The following GTPBP1 variants were observed in gnomAD, a reference collection of about 807,000 sequenced individuals.
GTPBP1 encodes the protein GTP-binding protein 1.
Under a neutral mutation model 62.0 loss-of-function variants are expected in GTPBP1, and 23 were observed. That is an observed-to-expected ratio of 0.37 (90% CI 0.27 to 0.53). The LOEUF (loss-of-function observed/expected upper bound fraction) is 0.53, where lower values mean the gene tolerates loss of function less well. Among genes scored for constraint, GTPBP1 ranks in the 20% least tolerant of loss-of-function variants. The probability of loss-of-function intolerance (pLI) is 0.89; values close to 1 mark genes in which losing one functional copy is unlikely to be tolerated. For synonymous variants in GTPBP1, 344 were observed against 364.4 expected (o/e 0.94, Z 0.64); for missense variants, 640 against 917.3 (o/e 0.70, Z 3.90).
At chr22:38,735,112 T>C (rs181971700), downstream of GTPBP1, 52 of 354,656 alleles carry the variant, frequency 1.5e-4, no homozygotes, top group African/African-American at 9.3e-4. Context: ...TTGAAAAATA[T>C]ATACATAATA....
At chr22:38,740,123 C>A, downstream of GTPBP1, 1 of 1,253,354 alleles carries the variant, frequency 8.0e-7, no homozygotes, top group Middle Eastern at 2.8e-4. This position sits in a 1 kb window ranked among gnomAD's most constrained non-coding sequence, Gnocchi z 4.8. Flanking sequence ...TCAGTGAGAG[C>A]CCACATGTGT....
chr22:38,706,479 G>A (rs574313339), intron 1 of GTPBP1: 172 of 207,906 alleles, frequency 8.3e-4, no homozygotes, highest in African/African-American at 3.8e-3. Flanking sequence ...CCCTGTCCCC[G>A]CTCAGTGCCC....
chr22:38,731,910 T>G lies in GTPBP1; in HGVS notation c.*1206T>G, dbSNP rs1419766905. 1 of 152,326 alleles carries G rather than the reference T, an allele frequency of 6.6e-6. No homozygotes were observed. Among genetic ancestry groups the G allele is most frequent in the Non-Finnish European group, 1.5e-5 (1 of 68,154 alleles). The allele number at this position is 152,326 out of a possible 1,614,324, so 9.4% of individuals were successfully genotyped here. A position where few individuals can be genotyped will look rare whatever the true frequency, so the allele number is the denominator to read the frequency against. On this transcript the variant is annotated 3_prime_UTR_variant, in exon 12 of 12. Transcript: ENST00000216044. The stretch of plus-strand genomic sequence containing the variant: ...CAGGGTTAGGACAGAGCATTTAGCC[T>G]TCTGGAAGAACCCCTGCCTGGGGTG...
Position 38,726,203 on chromosome 22 carries a change from G to A in GTPBP1, c.1218+53G>A, listed in dbSNP as rs1047881636. ...TGGGCACTTCCTACAGTGGCATCAG[G>A]GGGTGGGTCTGTGCTGGGGATGCAC... On this transcript the variant is annotated intron_variant, in intron 7 of 11. Transcript: ENST00000216044. This position sits in a 1 kb window ranked among gnomAD's most constrained non-coding sequence, Gnocchi z 4.1. 33 of 1,609,542 alleles carry A rather than the reference G, an allele frequency of 2.1e-5. No homozygotes were observed. The Admixed American group carries it at 2.8e-4, about 14-fold the overall frequency.
At chr22:38,738,151 C>CATCCCG (rs1569294132), downstream of GTPBP1, 1 of 1,611,104 alleles carries the variant, frequency 6.2e-7, no homozygotes, top group Non-Finnish European at 8.5e-7. The surrounding 1 kb of genome is among the most constrained non-coding windows in gnomAD (Gnocchi z 6.6). Flanking sequence ...GCCACTTCTG[C>CATCCCG]TAGCACAGCA....
Position 38,730,923 on chromosome 22 carries a change from C to T in GTPBP1, c.*219C>T, listed in dbSNP as rs2092755298. ...AGGACTGACCATCTCTCACTGTCCT[C>T]CCCACCTTCTTCCTCACTCACACAT... is the stretch of plus-strand genomic sequence containing the variant. On this transcript the variant is annotated 3_prime_UTR_variant, in exon 12 of 12. Transcript: ENST00000216044. This position sits in a 1 kb window ranked among gnomAD's most constrained non-coding sequence, Gnocchi z 5.6. 2 of 540,508 alleles carry T rather than the reference C, an allele frequency of 3.7e-6. No homozygotes were observed. The highest frequency in any genetic ancestry group is 6.5e-6 in the Non-Finnish European group (2 of 306,824). The allele number at this position is 540,508 out of a possible 1,614,324, so 33.5% of individuals were successfully genotyped here.
Position 38,730,772 on chromosome 22 carries a change from C to T in GTPBP1, c.*68C>T, listed in dbSNP as rs1289171113. On this transcript the variant is annotated 3_prime_UTR_variant, in exon 12 of 12. Coordinates refer to ENST00000216044, the MANE Select transcript of GTPBP1 (RefSeq NM_004286.5). This position sits in a 1 kb window ranked among gnomAD's most constrained non-coding sequence, Gnocchi z 5.6. ...TCTGGCCACCACTCCACCAGATGGG[C>T]AGAGCAGCTATGACCGCCACCCAGC... The T allele has an allele frequency of 1.1e-6, 1 of 874,290 alleles. No individual in the cohort carries two copies. Among genetic ancestry groups the T allele is most frequent in the East Asian group, 2.6e-5 (1 of 37,916 alleles). 54.2% of individuals were successfully genotyped at this position (874,290 alleles called of 1,614,324 possible).
downstream of GTPBP1, chr22:38,734,396 A>G (rs1802622828): frequency 2.5e-6 from 1 of 404,684 alleles, no homozygotes; most frequent in Admixed American, 3.0e-5. Context: ...CGTGGCTGGT[A>G]GGTAAGTGTA....
In GTPBP1 at chr22:38,716,012, G is replaced by A. The variant is rs749386506; in HGVS notation, c.410G>A (p.Arg137Gln). The change falls in exon 3 of 12, where the codon CGG becomes CAG. Residue 137 changes from arginine (R) to glutamine (Q), a missense_variant. Coordinates refer to ENST00000216044, the MANE Select transcript of GTPBP1 (RefSeq NM_004286.5). The surrounding 1 kb of genome is among the most constrained non-coding windows in gnomAD (Gnocchi z 5.2). ...GCCGATGTCATCCTTCTGCGGGAACGGCAAGAAGCTGGGGGCCGCGTGCGT... is the reference window on the plus strand; with the variant it reads ...GCCGATGTCATCCTTCTGCGGGAACAGCAAGAAGCTGGGGGCCGCGTGCGT... ...IEADVILLRE[R>Q]QEAGGRVRDY... 7 of 1,613,974 alleles carry A rather than the reference G, an allele frequency of 4.3e-6. No individual in the cohort carries two copies. The highest frequency in any genetic ancestry group is 2.7e-5 in the African/African-American group (2 of 74,892).
At chr22:38,722,139 A>G (rs1256985514) in intron 5 of GTPBP1, among the ~76,000 whole-genome samples, 1 of 152,216 alleles carries the variant, frequency 6.6e-6, no homozygotes, top group East Asian at 1.9e-4. Context: ...ATATATGTAG[A>G]CAAAGTTAGC....
At chr22:38,739,791 C>T (rs767238921), downstream of GTPBP1, 25 of 1,613,512 alleles carry the variant, frequency 1.5e-5, no homozygotes, top group Middle Eastern at 6.6e-4. This position sits in a 1 kb window ranked among gnomAD's most constrained non-coding sequence, Gnocchi z 6.7. Context: ...CTTCCCTGGC[C>T]GACTTGCCCT....
chr22:38,716,755 T>C lies in GTPBP1; in HGVS notation c.589T>C (p.Phe197Leu). ...NGRGFARQKL[F>L]RHKHEIESGR... ...CCGAGGCTTTGCCCGCCAGAAACTC[T>C]TCCGCCACAAACATGAAATTGAATC... Residue 197 changes from phenylalanine to leucine, a missense_variant, in exon 4 of 12, where the codon TTC becomes CTC. Physicochemically the swap from Phe to Leu is conservative, Grantham distance 22. Coordinates refer to ENST00000216044, the MANE Select transcript of GTPBP1 (RefSeq NM_004286.5). This position sits in a 1 kb window ranked among gnomAD's most constrained non-coding sequence, Gnocchi z 5.2. The C allele has an allele frequency of 6.2e-7, 1 of 1,614,138 alleles. No individual in the cohort carries two copies. The highest frequency in any genetic ancestry group is 8.5e-7 in the Non-Finnish European group (1 of 1,180,004).
chr22:38,710,619 C>CAA (rs149965335), intron 2 of GTPBP1, among the ~76,000 whole-genome samples: 1 of 145,800 alleles, frequency 6.9e-6, no homozygotes, highest in Non-Finnish European at 1.5e-5. Context: ...ATGCCAGGTT[C>CAA]AAAAAAAAAA....
downstream of GTPBP1, chr22:38,739,971 T>G: frequency 6.2e-7 from 1 of 1,600,080 alleles, no homozygotes; most frequent in Non-Finnish European, 8.5e-7. This position sits in a 1 kb window ranked among gnomAD's most constrained non-coding sequence, Gnocchi z 6.7. Context: ...GGTGTCACCC[T>G]GGGGGGCTTG....
chr22:38,718,164 C>G (rs773928233), intron 4 of GTPBP1, among the ~76,000 whole-genome samples: 15 of 152,146 alleles, frequency 9.9e-5, no homozygotes, highest in Non-Finnish European at 2.2e-4. Flanking sequence ...GGGCCATGAC[C>G]AGCTTCTTGA....
At chr22:38,736,687 G>A (rs543845667), downstream of GTPBP1, 20 of 226,938 alleles carry the variant, frequency 8.8e-5, no homozygotes, top group East Asian at 1.9e-3. Context: ...AGATGCTGAT[G>A]TGGGGCACAC....
At chr22:38,724,194 T>C (rs533046500) in intron 5 of GTPBP1, 103 bp from the exon 6 acceptor site, 162 of 709,716 alleles carry the variant, frequency 2.3e-4, no homozygotes, top group Non-Finnish European at 3.4e-4. Context: ...TCTATCTGTC[T>C]GTCTCCTGCT....
Position 38,733,291 on chromosome 22 carries a change from C to T in GTPBP1, c.*2587C>T, listed in dbSNP as rs553709956. 5 of 152,362 alleles carry T rather than the reference C, an allele frequency of 3.3e-5. No homozygotes were observed. Among genetic ancestry groups the T allele is most frequent in the South Asian group, 4.1e-4 (2 of 4,822 alleles). The allele number at this position is 152,362 out of a possible 1,614,324, so 9.4% of individuals were successfully genotyped here. A position where few individuals can be genotyped will look rare whatever the true frequency, so the allele number is the denominator to read the frequency against. On this transcript the variant is annotated 3_prime_UTR_variant, in exon 12 of 12. Coordinates refer to ENST00000216044, the MANE Select transcript of GTPBP1 (RefSeq NM_004286.5). ...ACAAGGCTTAGCCATGGCAGAACCT[C>T]GTTTTATTTTAACTCTTTGCCCCTA... is the stretch of plus-strand genomic sequence containing the variant.
chr22:38,725,992 C>G lies in GTPBP1; in HGVS notation c.1074-14C>G. On this transcript the variant is annotated splice_polypyrimidine_tract_variant and intron_variant, in intron 6 of 11. Coordinates refer to ENST00000216044, the MANE Select transcript of GTPBP1 (RefSeq NM_004286.5). ...CCTCTCTCCTTTTTTCCTTCCTCTT[C>G]TCCCTCTGCTTAGGATGTGCCCGAT... 6.2e-7 allele frequency: 1 copy of G among 1,612,898 alleles called. No homozygotes were observed.
Sources: gnomAD v4.1 joint callset for allele counts (sites outside exome capture counted in the v4.1 genomes callset) on GRCh38, gnomAD v4.1.1 for gene constraint, Gnocchi (gnomAD v3.1) non-coding constraint, MANE v1.5 for transcripts, NCBI Gene and HGNC (gene_info 2026-07-23, HGNC 2026-07-21) for gene names.